LRRC20: variants seen among roughly 807,000 people sequenced by gnomAD.
LRRC20 encodes leucine-rich repeat-containing protein 20.
A neutral mutation model predicts 14.4 loss-of-function variants in LRRC20; 11 were observed. The ratio of observed to expected loss-of-function variants is 0.77; its 90% CI spans 0.48 to 1.27. The LOEUF (loss-of-function observed/expected upper bound fraction) is 1.27, where lower values mean the gene tolerates loss of function less well. Ranked by LOEUF, LRRC20 falls within the 50% of genes most tolerant of loss-of-function variation. The pLI, the probability that LRRC20 is intolerant of heterozygous loss-of-function variation, is 0.00. For synonymous variants in LRRC20, 121 were observed against 107.3 expected (o/e 1.13, Z -0.79); for missense variants, 219 against 251.2 (o/e 0.87, Z 0.87).
chr10:70,303,263 C>T (rs1841285604), intron 4 of LRRC20, among the ~76,000 whole-genome samples: 2 of 152,146 alleles, frequency 1.3e-5, no homozygotes, highest in African/African-American at 4.8e-5. Flanking sequence ...GAATGCCACT[C>T]TATCATGCCA....
chr10:70,320,820 G>T (rs967968123), intron 4 of LRRC20, among the ~76,000 whole-genome samples: 1 of 152,216 alleles, frequency 6.6e-6, no homozygotes, highest in Non-Finnish European at 1.5e-5. Context: ...GCAGACAGAA[G>T]TATCCTTGTC....
intron 4 of LRRC20, among the ~76,000 whole-genome samples, chr10:70,315,553 C>T (rs905559728): frequency 1.3e-5 from 2 of 152,152 alleles, no homozygotes; most frequent in African/African-American, 4.8e-5. Flanking sequence ...TTCACAACCC[C>T]GTTATTCCTA....
intron 4 of LRRC20, among the ~76,000 whole-genome samples, chr10:70,315,470 G>A (rs954678327): frequency 1.3e-5 from 2 of 152,188 alleles, no homozygotes; most frequent in Non-Finnish European, 2.9e-5. Flanking sequence ...ACAAGATCCT[G>A]ACCTTGTGTA....
chr10:70,349,807 T>C (rs1344559987), intron 2 of LRRC20, among the ~76,000 whole-genome samples: 1 of 152,072 alleles, frequency 6.6e-6, no homozygotes, highest in East Asian at 1.9e-4. Flanking sequence ...AAGATTCAAG[T>C]AGGGTGACGA....
chr10:70,364,880 T>C (rs1044128877), intron 2 of LRRC20, among the ~76,000 whole-genome samples: 23 of 152,238 alleles, frequency 1.5e-4, no homozygotes, highest in Middle Eastern at 3.4e-3. Context: ...ATCTCCCACA[T>C]GCACATCCAG....
chr10:70,371,861 G>T (rs1564647580), intron 2 of LRRC20, among the ~76,000 whole-genome samples: 1 of 151,832 alleles, frequency 6.6e-6, no homozygotes, highest in Non-Finnish European at 1.5e-5. Context: ...AGAAAGGCTG[G>T]GATCCTCGCC....
At chr10:70,348,358 A>G (rs1338246376) in intron 2 of LRRC20, among the ~76,000 whole-genome samples, 1 of 152,194 alleles carries the variant, frequency 6.6e-6, no homozygotes, top group Non-Finnish European at 1.5e-5. Flanking sequence ...GAAAATGGAG[A>G]TCCAGGAGCA....
chr10:70,310,106 C>A (rs985858357), intron 4 of LRRC20, among the ~76,000 whole-genome samples: 1 of 152,228 alleles, frequency 6.6e-6, no homozygotes, highest in Non-Finnish European at 1.5e-5. Flanking sequence ...GAGGAAGGAG[C>A]GATGGGACCA....
At chr10:70,360,302 G>C (rs1004011201) in intron 2 of LRRC20, among the ~76,000 whole-genome samples, 3 of 152,008 alleles carry the variant, frequency 2.0e-5, no homozygotes, top group Admixed American at 1.3e-4. Context: ...AGTGATCCCA[G>C]TCTGCCTCCC....
At chr10:70,331,614 G>A (rs918834492) in intron 3 of LRRC20, among the ~76,000 whole-genome samples, 1 of 152,104 alleles carries the variant, frequency 6.6e-6, no homozygotes, top group Non-Finnish European at 1.5e-5. Context: ...GGACAGAGAG[G>A]GCTGAGATCT....
rs897272868 is a variant in LRRC20, at chr10:70,377,569, G to A, written c.-63-973C>T. On this transcript the variant is annotated intron_variant, in intron 1 of 4. Transcript: ENST00000446961. ...AGAGAGGAATGAGCTCAAGTCCAAG[G>A]TCAGCACCCCTTCTTTGCCCCCAGA... is the stretch of plus-strand genomic sequence containing the variant. Among the ~76,000 whole-genome samples, 32 of 152,104 alleles carry A rather than the reference G, an allele frequency of 2.1e-4. 1 individual carries two copies. The highest frequency in any genetic ancestry group is 7.5e-4 in the African/African-American group (31 of 41,418).
At chr10:70,346,946 C>T (rs750430965) in intron 2 of LRRC20, among the ~76,000 whole-genome samples, 16 of 152,116 alleles carry the variant, frequency 1.1e-4, no homozygotes, top group African/African-American at 2.9e-4. Flanking sequence ...AGGGCAGTGG[C>T]GTGATCTCGG....
intron 2 of LRRC20, among the ~76,000 whole-genome samples, chr10:70,359,310 A>G (rs1229340395): frequency 6.6e-6 from 1 of 152,160 alleles, no homozygotes; most frequent in Non-Finnish European, 1.5e-5. Context: ...CAATCCCAGC[A>G]CTTTGGGAGG....
chr10:70,357,661 A>C (rs558464441), intron 2 of LRRC20, among the ~76,000 whole-genome samples: 1 of 152,228 alleles, frequency 6.6e-6, no homozygotes, highest in East Asian at 1.9e-4. Flanking sequence ...TTCCAAAAAA[A>C]ACCCTCCTTC....
chr10:70,339,483 G>C (rs1842831693), intron 3 of LRRC20, among the ~76,000 whole-genome samples: 1 of 152,130 alleles, frequency 6.6e-6, no homozygotes, highest in Admixed American at 6.5e-5. Flanking sequence ...GGCTGGAAGG[G>C]GGGCATGGAG....
At chr10:70,319,297 TTCACCC>T in intron 4 of LRRC20, among the ~76,000 whole-genome samples, 1 of 152,328 alleles carries the variant, frequency 6.6e-6, no homozygotes, top group Admixed American at 6.5e-5. Flanking sequence ...GACGTTTGTC[TTCACCC>T]TCACATGTTC....
At chr10:70,327,359 GA>G (rs1395556689) in intron 3 of LRRC20, among the ~76,000 whole-genome samples, 1 of 104,462 alleles carries the variant, frequency 9.6e-6, no homozygotes, top group East Asian at 2.6e-4. Context: ...CGGATCACTT[GA>G]GATCAAGAGT....
intron 2 of LRRC20, among the ~76,000 whole-genome samples, chr10:70,344,423 T>C (rs1427758656): frequency 6.6e-6 from 1 of 152,170 alleles, no homozygotes; most frequent in Non-Finnish European, 1.5e-5. Flanking sequence ...AAGGCAATGA[T>C]ATTCCTATGC....
chr10:70,304,807 G>C (rs1841356962), intron 4 of LRRC20, among the ~76,000 whole-genome samples: 1 of 152,020 alleles, frequency 6.6e-6, no homozygotes. Flanking sequence ...TTTTGTGACG[G>C]GCTTATGCCA....
Sources: allele counts gnomAD v4.1 joint callset (sites outside exome capture counted in the v4.1 genomes callset), GRCh38; gene constraint gnomAD v4.1.1; transcripts MANE v1.5; gene names NCBI Gene and HGNC (gene_info 2026-07-23, HGNC 2026-07-21).